TNFRSF19: variants seen among roughly 807,000 people sequenced by gnomAD.
TNFRSF19 encodes the protein TNF receptor superfamily member 19, also known as tumor necrosis factor receptor superfamily member 19.
In TNFRSF19, 27 loss-of-function variants were observed where a neutral mutation model predicts 46.4. The ratio of observed to expected loss-of-function variants is 0.58; its 90% CI spans 0.43 to 0.80. The LOEUF (loss-of-function observed/expected upper bound fraction) is 0.80, where lower values mean the gene tolerates loss of function less well. TNFRSF19 is among the 30% of genes least tolerant of loss of function. TNFRSF19 has a pLI of 0.00. For missense variants in TNFRSF19, 511 were observed against 530.8 expected (o/e 0.96, Z 0.37); for synonymous variants, 204 against 205.0 (o/e 1.00, Z 0.04).
At position 23,581,127 on chromosome 13, in the gene TNFRSF19, C is replaced by CTTTTTTTT. The variant is rs1226042943; in HGVS notation, c.-34-9019_-34-9018insTTTTTTTT. ...ATGTCGATGTGCCTTTTCTTTTTTT[C>CTTTTTTTT]TTTTCTTTTTTTTTTTTTGAAACGG... is the stretch of plus-strand genomic sequence containing the variant. On this transcript the variant is annotated intron_variant, in intron 1 of 9. Coordinates refer to ENST00000248484, the MANE Select transcript of TNFRSF19 (RefSeq NM_148957.4). 9.7e-5 allele frequency among the ~76,000 whole-genome samples: 12 copies of CTTTTTTTT among 123,284 alleles called. 1 individual carries two copies. Among genetic ancestry groups the CTTTTTTTT allele is most frequent in the Non-Finnish European group, 1.1e-4 (6 of 55,648 alleles). The allele number at this position is 123,284 out of a possible 152,430, so 80.9% of individuals were successfully genotyped here.
rs575250886 is a variant in TNFRSF19 at position 23,577,347 on chromosome 13, G to A, written c.-35+6499G>A. On this transcript the variant is annotated intron_variant, in intron 1 of 9. Coordinates refer to ENST00000248484, the MANE Select transcript of TNFRSF19 (RefSeq NM_148957.4). Reference sequence around the variant, plus strand: ...GACAAAAGGAGGTCAGAGAGAAGAAGAACATTTGGTTGAAGTCAGAGAAGG... The same window carrying A: ...GACAAAAGGAGGTCAGAGAGAAGAAAAACATTTGGTTGAAGTCAGAGAAGG... Among the ~76,000 whole-genome samples the A allele has an allele frequency of 4.6e-5, 7 of 152,348 alleles. No homozygotes were observed. The East Asian group carries it at 1.3e-3, about 29-fold the overall frequency.
intron 1 of TNFRSF19, among the ~76,000 whole-genome samples, chr13:23,582,501 C>T (rs1264652541): frequency 3.3e-5 from 5 of 152,192 alleles, no homozygotes; most frequent in South Asian, 2.1e-4. Context: ...TCACTGTCTC[C>T]GATAAATATT....
chr13:23,659,112 C>T lies in TNFRSF19; in HGVS notation c.508C>T (p.Leu170=), dbSNP rs1884169957. ...STASSPRDTA[L]AAVICSALAT... is the part of the protein sequence containing the mutation. ...GGCCTCCAGCCCACGGGACACGGCG[C>T]TGGCTGCCGTTATCTGCAGCGCTCT... is the stretch of plus-strand genomic sequence containing the variant. The change falls in exon 6 of 10, where the codon CTG becomes TTG. Residue 170 remains leucine, a synonymous_variant. Coordinates refer to ENST00000248484, the MANE Select transcript of TNFRSF19 (RefSeq NM_148957.4). This position sits in a 1 kb window ranked among gnomAD's most constrained non-coding sequence, Gnocchi z 4.9. The T allele has an allele frequency of 1.9e-6, 3 of 1,613,882 alleles. No individual in the cohort carries two copies. Among genetic ancestry groups the T allele is most frequent in the East Asian group, 4.5e-5 (2 of 44,902 alleles).
At chr13:23,602,502 A>G (rs751472713) in intron 3 of TNFRSF19, among the ~76,000 whole-genome samples, 1 of 152,112 alleles carries the variant, frequency 6.6e-6, no homozygotes, top group Non-Finnish European at 1.5e-5. Context: ...AACACCATCA[A>G]TCAACTGGAT....
rs113134504 is a variant in TNFRSF19, at chr13:23,649,659, T to G, written c.446-9391T>G. Reference sequence around the variant, plus strand: ...AAGGTAAAGTTACTGACTTTAGATCTTGCTTCTTTTTTAATGTAGGAATTT... The same window carrying G: ...AAGGTAAAGTTACTGACTTTAGATCGTGCTTCTTTTTTAATGTAGGAATTT... On this transcript the variant is annotated intron_variant, in intron 5 of 9. Coordinates refer to ENST00000248484, the MANE Select transcript of TNFRSF19 (RefSeq NM_148957.4). Among the ~76,000 whole-genome samples, 243 of 152,268 alleles carry G rather than the reference T, an allele frequency of 1.6e-3. 1 individual carries two copies. Among genetic ancestry groups the G allele is most frequent in the African/African-American group, 5.4e-3 (224 of 41,568 alleles).
chr13:23,652,253 A>G (rs2138368912), intron 5 of TNFRSF19, among the ~76,000 whole-genome samples: 1 of 152,284 alleles, frequency 6.6e-6, no homozygotes, highest in South Asian at 2.1e-4. Flanking sequence ...TCAGATTAAT[A>G]CGACTAATTT....
intron 3 of TNFRSF19, among the ~76,000 whole-genome samples, chr13:23,599,149 C>T (rs1879946216): frequency 6.6e-6 from 1 of 152,220 alleles, no homozygotes; most frequent in Non-Finnish European, 1.5e-5. Context: ...ACAGTAGCAT[C>T]TCAACAGGTA....
At chr13:23,610,374 C>T (rs1204704321) in intron 3 of TNFRSF19, among the ~76,000 whole-genome samples, 1 of 152,200 alleles carries the variant, frequency 6.6e-6, no homozygotes, top group Non-Finnish European at 1.5e-5. Flanking sequence ...GGAAAACCAC[C>T]AAATGTGGCT....
intron 3 of TNFRSF19, among the ~76,000 whole-genome samples, chr13:23,605,001 A>G (rs1880416760): frequency 6.6e-6 from 1 of 152,230 alleles, no homozygotes; most frequent in East Asian, 1.9e-4. Flanking sequence ...TCCACTCTGC[A>G]TAAGACACTG....
At chr13:23,642,726 A>C (rs1883100567) in intron 5 of TNFRSF19, among the ~76,000 whole-genome samples, 4 of 152,242 alleles carry the variant, frequency 2.6e-5, no homozygotes, top group Admixed American at 2.6e-4. Flanking sequence ...TTAGAAATTT[A>C]AACTATGATC....
chr13:23,669,699 G>A (rs1230251322), intron 9 of TNFRSF19: 1 of 985,226 alleles, frequency 1.0e-6, no homozygotes. Flanking sequence ...GAGCGAGGGT[G>A]GCACCTGCAG....
At chr13:23,639,405 A>T (rs188645919) in intron 5 of TNFRSF19, among the ~76,000 whole-genome samples, 29 of 152,210 alleles carry the variant, frequency 1.9e-4, no homozygotes, top group Admixed American at 1.3e-3. Context: ...AAGATAATTT[A>T]AAAAAAATTT....
intron 5 of TNFRSF19, among the ~76,000 whole-genome samples, chr13:23,643,412 A>G (rs1883139226): frequency 1.3e-5 from 2 of 152,254 alleles, no homozygotes; most frequent in Admixed American, 1.3e-4. Context: ...ACCATTTTGG[A>G]ACATTAGCTG....
At chr13:23,654,960 T>C (rs565930033) in intron 5 of TNFRSF19, among the ~76,000 whole-genome samples, 55 of 152,322 alleles carry the variant, frequency 3.6e-4, no homozygotes, top group Non-Finnish European at 6.5e-4. Flanking sequence ...TTGCAGCATC[T>C]GAGAAGTTGC....
chr13:23,604,790 C>T (rs999621880), intron 3 of TNFRSF19, among the ~76,000 whole-genome samples: 2 of 152,110 alleles, frequency 1.3e-5, no homozygotes, highest in African/African-American at 4.8e-5. Flanking sequence ...AACAACTTGA[C>T]ATCCACATGC....
intron 4 of TNFRSF19, among the ~76,000 whole-genome samples, chr13:23,623,718 T>G (rs1881821997): frequency 1.3e-5 from 2 of 152,210 alleles, no homozygotes; most frequent in South Asian, 4.1e-4. Flanking sequence ...TGATTAGTGA[T>G]GTTGAACATG....
At chr13:23,598,677 G>A (rs925983392) in intron 3 of TNFRSF19, among the ~76,000 whole-genome samples, 5 of 152,186 alleles carry the variant, frequency 3.3e-5, no homozygotes, top group Admixed American at 1.3e-4. Context: ...GTGTTAGTGT[G>A]TGTTATATCA....
At chr13:23,593,114 G>A (rs944912322) in intron 2 of TNFRSF19, among the ~76,000 whole-genome samples, 20 of 152,042 alleles carry the variant, frequency 1.3e-4, no homozygotes, top group African/African-American at 4.8e-4. Context: ...CCTGTTTAGA[G>A]AATCAATGAG....
intron 5 of TNFRSF19, among the ~76,000 whole-genome samples, chr13:23,653,425 G>A (rs973814382): frequency 6.6e-6 from 1 of 152,208 alleles, no homozygotes; most frequent in African/African-American, 2.4e-5. Context: ...TATACAAAAT[G>A]TCAGATGATC....
Sources: allele counts gnomAD v4.1 joint callset (sites outside exome capture counted in the v4.1 genomes callset), GRCh38; gene constraint gnomAD v4.1.1; non-coding constraint Gnocchi (gnomAD v3.1); transcripts MANE v1.5; gene names NCBI Gene and HGNC (gene_info 2026-07-23, HGNC 2026-07-21).